The following SLC24A2 variants were observed in gnomAD, a reference collection of about 807,000 sequenced individuals.
SLC24A2 encodes the protein sodium/potassium/calcium exchanger 2.
A neutral mutation model predicts 62.0 loss-of-function variants in SLC24A2; 36 were observed. The observed-to-expected ratio is 0.58, with a 90% CI of 0.44 to 0.77. SLC24A2 has a LOEUF of 0.77. Among genes scored for constraint, SLC24A2 ranks in the 30% least tolerant of loss-of-function variants. The probability of loss-of-function intolerance (pLI) is 0.00; values close to 1 mark genes in which losing one functional copy is unlikely to be tolerated. For missense variants in SLC24A2, 846 were observed against 817.9 expected, an observed-to-expected ratio of 1.03 and a Z score of -0.42; for synonymous variants, 358 against 294.0, an observed-to-expected ratio of 1.22 and a Z score of -2.23.
At chr9:19,828,719 A>G in the SLC24A2 span, among the ~76,000 whole-genome samples, 1 of 152,170 alleles carries the variant, frequency 6.6e-6, no homozygotes, top group African/African-American at 2.4e-5. Flanking sequence ...GGAATTACAA[A>G]AAGTGAACAG....
At chr9:19,850,974 T>TATATACATATATATATATATAC in the SLC24A2 span, among the ~76,000 whole-genome samples, 1 of 46,934 alleles carries the variant, frequency 2.1e-5, no homozygotes, top group Non-Finnish European at 4.3e-5. Context: ...TATGTATATA[T>TATATACATATATATATATATAC]ATATATATAT....
At chr9:20,021,401 A>C in the SLC24A2 span, among the ~76,000 whole-genome samples, 3 of 151,982 alleles carry the variant, frequency 2.0e-5, no homozygotes, top group African/African-American at 7.3e-5. Flanking sequence ...TCATACATAC[A>C]TGTATATAAT....
the SLC24A2 span, among the ~76,000 whole-genome samples, chr9:19,922,815 T>C: frequency 6.6e-6 from 1 of 151,896 alleles, no homozygotes; most frequent in East Asian, 1.9e-4. Context: ...TGTACATGTC[T>C]GAGTCTCAGG....
the SLC24A2 span, among the ~76,000 whole-genome samples, chr9:20,280,540 G>T: frequency 4.9e-3 from 751 of 152,266 alleles, 7 homozygotes; most frequent in Non-Finnish European, 6.4e-3. Context: ...GGTGACCATT[G>T]TTACTAAAGA....
chr9:20,260,006 C>T, the SLC24A2 span, among the ~76,000 whole-genome samples: 3 of 152,140 alleles, frequency 2.0e-5, no homozygotes, highest in South Asian at 6.2e-4. Context: ...TCACCTGAGC[C>T]TCAGAGGTTG....
At chr9:20,065,758 A>G in the SLC24A2 span, among the ~76,000 whole-genome samples, 2 of 152,286 alleles carry the variant, frequency 1.3e-5, no homozygotes, top group East Asian at 3.9e-4. Flanking sequence ...GTCCATATGA[A>G]CCCTGAACCC....
At chr9:19,926,074 G>A in the SLC24A2 span, 1 of 152,110 alleles carries the variant, frequency 6.6e-6, no homozygotes, top group African/African-American at 2.4e-5. Context: ...TGTTGAGTAT[G>A]TCTACTCTTC....
chr9:19,920,360 A>C, the SLC24A2 span, among the ~76,000 whole-genome samples: 1 of 152,204 alleles, frequency 6.6e-6, no homozygotes, highest in South Asian at 2.1e-4. Context: ...GCCAATGATT[A>C]ATTCATCAGT....
At chr9:20,128,693 A>G in the SLC24A2 span, among the ~76,000 whole-genome samples, 1 of 152,170 alleles carries the variant, frequency 6.6e-6, no homozygotes. Flanking sequence ...AAAGGTGCTA[A>G]GACCGCTCAA....
the SLC24A2 span, among the ~76,000 whole-genome samples, chr9:20,214,629 TAAA>T: frequency 1.3e-5 from 2 of 150,120 alleles, no homozygotes; most frequent in Non-Finnish European, 3.0e-5. Context: ...AAATAAAAAA[TAAA>T]AAAAAAAATT....
intron 2 of SLC24A2, among the ~76,000 whole-genome samples, chr9:19,713,431 T>C (rs1352311801): frequency 6.6e-6 from 1 of 152,192 alleles, no homozygotes; most frequent in Non-Finnish European, 1.5e-5. Flanking sequence ...TCTCTAAAAT[T>C]ATGCTTTGAA....
At chr9:19,520,772 T>C (rs1833158425) in intron 10 of SLC24A2, 122 bp downstream of exon 10, 1 of 870,124 alleles carries the variant, frequency 1.1e-6, no homozygotes, top group Non-Finnish European at 1.9e-6. Context: ...TCTCAATCTT[T>C]ACTCTGTATT....
chr9:19,959,896 T>C, the SLC24A2 span, among the ~76,000 whole-genome samples: 1 of 152,222 alleles, frequency 6.6e-6, no homozygotes, highest in Non-Finnish European at 1.5e-5. Context: ...TCAGGGAGGC[T>C]ACCCTTAGAA....
At chr9:20,099,023 A>G in the SLC24A2 span, among the ~76,000 whole-genome samples, 1 of 152,240 alleles carries the variant, frequency 6.6e-6, no homozygotes, top group Non-Finnish European at 1.5e-5. Flanking sequence ...TGCAGATGGT[A>G]ATGTATTTGC....
At chr9:19,843,260 G>A in the SLC24A2 span, among the ~76,000 whole-genome samples, 3 of 152,186 alleles carry the variant, frequency 2.0e-5, no homozygotes. Context: ...CCAACACTTT[G>A]GGAGGCCAAG....
At chr9:20,203,556 C>A in the SLC24A2 span, among the ~76,000 whole-genome samples, 1 of 152,150 alleles carries the variant, frequency 6.6e-6, no homozygotes, top group Non-Finnish European at 1.5e-5. Flanking sequence ...TTCAAAACCT[C>A]TTCTTGGCCA....
At chr9:20,224,362 T>C in the SLC24A2 span, among the ~76,000 whole-genome samples, 18,111 of 151,912 alleles carry the variant, frequency 0.12, 2,313 homozygotes, top group East Asian at 0.61. Context: ...ATTTGAATAC[T>C]ATCAGAGAAA....
rs149048425 is a variant in SLC24A2 at position 19,558,658 on chromosome 9, TC to T, written c.1348-8391del. ...CAAGAACTGAAATAGGAGATAATTTTCAGACTTCAACATTCAGTGTTCAAAG... is the reference window on the plus strand; with the variant it reads ...CAAGAACTGAAATAGGAGATAATTTTAGACTTCAACATTCAGTGTTCAAAG... On this transcript the variant is annotated intron_variant, in intron 7 of 10. Coordinates refer to ENST00000341998, the MANE Select transcript of SLC24A2 (RefSeq NM_020344.4). Among the ~76,000 whole-genome samples the T allele has an allele frequency of 1.3e-3, 204 of 152,280 alleles. 1 individual carries two copies. Among genetic ancestry groups the T allele is most frequent in the African/African-American group, 4.8e-3 (201 of 41,544 alleles).
chr9:20,255,373 T>G, the SLC24A2 span, among the ~76,000 whole-genome samples: 1 of 152,222 alleles, frequency 6.6e-6, no homozygotes, highest in African/African-American at 2.4e-5. Context: ...TTTGTTCTAG[T>G]GCTGTATTGT....
Sources: gnomAD v4.1 joint callset for allele counts (sites outside exome capture counted in the v4.1 genomes callset) on GRCh38, gnomAD v4.1.1 for gene constraint, MANE v1.5 for transcripts, NCBI Gene and HGNC (gene_info 2026-07-23, HGNC 2026-07-21) for gene names.